Variants in VPS13B observed in about 807,000 individuals in gnomAD.
The protein encoded by VPS13B is vacuolar protein sorting 13 homolog B.
Under a neutral mutation model 426.4 loss-of-function variants are expected in VPS13B, and 285 were observed. The ratio of observed to expected loss-of-function variants is 0.67; its 90% confidence interval spans 0.61 to 0.74. VPS13B has a LOEUF of 0.74. Ranked by LOEUF, VPS13B falls within the 30% of genes least tolerant of loss-of-function variation. The pLI, the probability that VPS13B is intolerant of heterozygous loss-of-function variation, is 0.00. For missense variants in VPS13B, 4,537 were observed against 4,782.6 expected (o/e 0.95, Z 1.51); for synonymous variants, 1,676 against 1,676.4 (o/e 1.00, Z 0.01).
At chr8:99,622,052 A>C (rs1037938179) in intron 33 of VPS13B, among the ~76,000 whole-genome samples, 1 of 151,740 alleles carries the variant, frequency 6.6e-6, no homozygotes, top group African/African-American at 2.4e-5. Flanking sequence ...GGCTGGTCTC[A>C]AACATTCATT....
intron 42 of VPS13B, among the ~76,000 whole-genome samples, chr8:99,783,464 A>G (rs1812114755): frequency 6.6e-6 from 1 of 152,200 alleles, no homozygotes; most frequent in Non-Finnish European, 1.5e-5. Flanking sequence ...TTTTTAAGCC[A>G]TAGCCTAACC....
chr8:99,122,081 G>A lies in VPS13B; in HGVS notation c.1206+636G>A, dbSNP rs185767238. Among the ~76,000 whole-genome samples the A allele has an allele frequency of 6.1e-3, 911 of 149,916 alleles. 13 individuals are homozygous for A. Among genetic ancestry groups the A allele is most frequent in the African/African-American group, 0.021 (865 of 40,718 alleles). ...TTGCCATGTTGCCCAGGCTGGTCTCGCTCCTAGGCTCAAGCGTTTTTCCCC... is the reference window on the plus strand; with the variant it reads ...TTGCCATGTTGCCCAGGCTGGTCTCACTCCTAGGCTCAAGCGTTTTTCCCC... On this transcript the variant is annotated intron_variant, in intron 8 of 61. Coordinates refer to ENST00000357162, the MANE Select transcript of VPS13B (RefSeq NM_152564.5).
chr8:99,547,156 G>A (rs550285970), intron 30 of VPS13B, among the ~76,000 whole-genome samples: 161 of 152,108 alleles, frequency 1.1e-3, no homozygotes, highest in African/African-American at 3.7e-3. Flanking sequence ...AAGAGGGCAT[G>A]TTCCTCAGCC....
At chr8:99,819,297 T>C (rs1814227765) in intron 47 of VPS13B, 115 bp from the exon 48 acceptor site, 1 of 1,249,900 alleles carries the variant, frequency 8.0e-7, no homozygotes. Context: ...AAATGGACTC[T>C]ATCTACCAAA....
intron 19 of VPS13B, among the ~76,000 whole-genome samples, chr8:99,322,529 A>C (rs943757753): frequency 2.0e-5 from 3 of 152,168 alleles, no homozygotes; most frequent in Non-Finnish European, 4.4e-5. Context: ...TACATTTTTA[A>C]TTTGAGGGTT....
chr8:99,041,993 A>G (rs1842985307), intron 3 of VPS13B, among the ~76,000 whole-genome samples: 1 of 152,104 alleles, frequency 6.6e-6, no homozygotes, highest in South Asian at 2.1e-4. Flanking sequence ...AAGGCTGTTT[A>G]TAGAAGTAAT....
intron 17 of VPS13B, among the ~76,000 whole-genome samples, chr8:99,249,661 G>A (rs1817402027): frequency 6.6e-6 from 1 of 152,008 alleles, no homozygotes; most frequent in South Asian, 2.1e-4. Flanking sequence ...CTGACCTCAT[G>A]ATCCACCCAC....
intron 5 of VPS13B, among the ~76,000 whole-genome samples, chr8:99,108,570 A>G (rs1847176267): frequency 6.6e-6 from 1 of 152,134 alleles, no homozygotes; most frequent in Non-Finnish European, 1.5e-5. Context: ...GCCCCTATAT[A>G]GAAAATCAGT....
chr8:99,619,324 G>A (rs1263776312), intron 33 of VPS13B, among the ~76,000 whole-genome samples: 1 of 152,196 alleles, frequency 6.6e-6, no homozygotes, highest in East Asian at 1.9e-4. Flanking sequence ...TGGGCTGGGA[G>A]AAGGGGGTGC....
At chr8:99,666,127 A>G (rs975734142) in intron 35 of VPS13B, among the ~76,000 whole-genome samples, 3 of 152,220 alleles carry the variant, frequency 2.0e-5, no homozygotes, top group African/African-American at 4.8e-5. Flanking sequence ...TTATTGGTGT[A>G]TAAGAATGCT....
intron 17 of VPS13B, among the ~76,000 whole-genome samples, chr8:99,268,831 G>A (rs1818433673): frequency 6.6e-6 from 1 of 152,146 alleles, no homozygotes; most frequent in Non-Finnish European, 1.5e-5. Context: ...TGGTTTGGCT[G>A]TGTCTCCACC....
intron 61 of VPS13B, 119 bp downstream of exon 61, chr8:99,871,816 A>G: frequency 6.4e-7 from 1 of 1,556,050 alleles, no homozygotes; most frequent in Non-Finnish European, 8.8e-7. Context: ...CTGGAGACCA[A>G]GGAGAGCTGC....
chr8:99,038,611 T>C, intron 3 of VPS13B, 45 bp downstream of exon 3: 2 of 1,571,860 alleles, frequency 1.3e-6, no homozygotes, highest in Non-Finnish European at 1.7e-6. Flanking sequence ...CTAATTTTAG[T>C]AGTATTTGAC....
intron 14 of VPS13B, among the ~76,000 whole-genome samples, chr8:99,149,245 T>G (rs1457990518): frequency 6.6e-6 from 1 of 152,258 alleles, no homozygotes; most frequent in East Asian, 1.9e-4. Context: ...TTGAGAATGC[T>G]TAATATTTGT....
chr8:99,145,706 T>G (rs556068115), intron 13 of VPS13B, among the ~76,000 whole-genome samples: 6 of 152,366 alleles, frequency 3.9e-5, no homozygotes, highest in Non-Finnish European at 8.8e-5. Flanking sequence ...TATAGTTTGT[T>G]AATTCCCTCA....
chr8:99,786,430 C>T (rs1812268276), intron 43 of VPS13B, among the ~76,000 whole-genome samples: 2 of 152,058 alleles, frequency 1.3e-5, no homozygotes, highest in Admixed American at 1.3e-4. Context: ...GTCTCACTCC[C>T]CTAGGTTTTG....
intron 19 of VPS13B, among the ~76,000 whole-genome samples, chr8:99,358,508 A>G (rs1588288680): frequency 6.6e-6 from 1 of 152,240 alleles, no homozygotes; most frequent in Non-Finnish European, 1.5e-5. Flanking sequence ...TACCGTAACC[A>G]TATGAGAAGA....
intron 51 of VPS13B, among the ~76,000 whole-genome samples, chr8:99,826,301 GA>G (rs1165240882): frequency 2.2e-4 from 33 of 152,058 alleles, no homozygotes; most frequent in Non-Finnish European, 4.3e-4. Flanking sequence ...TTGTAAGTTG[GA>G]TTCCTAGGTA....
intron 42 of VPS13B, among the ~76,000 whole-genome samples, chr8:99,781,103 A>G (rs1465471648): frequency 1.3e-5 from 2 of 152,198 alleles, no homozygotes; most frequent in Non-Finnish European, 2.9e-5. Context: ...CAGTTGAAGC[A>G]TGAAACAATT....
Sources: allele counts gnomAD v4.1 joint callset (sites outside exome capture counted in the v4.1 genomes callset), GRCh38; gene constraint gnomAD v4.1.1; transcripts MANE v1.5; gene names NCBI Gene and HGNC (gene_info 2026-07-23, HGNC 2026-07-21).